ACSM6: variants seen among roughly 807,000 people sequenced by gnomAD.
The protein encoded by ACSM6 is acyl-coenzyme A synthetase ACSM6, mitochondrial.
In ACSM6, 35 loss-of-function variants were observed where a neutral mutation model predicts 51.1. The observed-to-expected ratio is 0.69, with a 90% CI of 0.52 to 0.91. The LOEUF is 0.91. Among genes scored for constraint, ACSM6 ranks in the 40% least tolerant of loss-of-function variants. The pLI is 0.00. For missense variants in ACSM6, 509 were observed against 584.1 expected, an observed-to-expected ratio of 0.87 and a Z score of 1.32; for synonymous variants, 172 against 207.3, an observed-to-expected ratio of 0.83 and a Z score of 1.46.
chr10:95,219,868 C>T, intron 8 of ACSM6, 23 bp from the exon 9 acceptor site: 3 of 1,589,286 alleles, frequency 1.9e-6, no homozygotes, highest in Non-Finnish European at 2.6e-6. Flanking sequence ...TAAAGAAAAA[C>T]TTGTCTGCAT....
At chr10:95,218,889 A>G (rs138221099) in intron 8 of ACSM6, among the ~76,000 whole-genome samples, 1 of 151,894 alleles carries the variant, frequency 6.6e-6, no homozygotes, top group Non-Finnish European at 1.5e-5. Context: ...GGGGCTCCCA[A>G]TTTGTTAGCA....
rs1303495873 is a variant in ACSM6, at chr10:95,201,957, T to C, written c.193-28T>C. 3 of 1,539,792 alleles carry C rather than the reference T, an allele frequency of 1.9e-6. No individual in the cohort carries two copies. The East Asian group carries it at 7.3e-5, about 38-fold the overall frequency. On this transcript the variant is annotated intron_variant, in intron 2 of 10. Transcript: ENST00000341686. ...TAGCCAATGTCCATGCTGACTAATATTCATATTTTAAACATCACCCTGCCT... is the reference window on the plus strand; with the variant it reads ...TAGCCAATGTCCATGCTGACTAATACTCATATTTTAAACATCACCCTGCCT...
exon 4 of ACSM6, chr10:95,207,343 C>T (rs1554829490): frequency 6.2e-7 from 1 of 1,614,094 alleles, no homozygotes; most frequent in East Asian, 2.2e-5. Flanking sequence ...TCCGACTGCC[C>T]CACCTTGAAA....
chr10:95,195,178 GT>G (rs1377143560), intron 2 of ACSM6, among the ~76,000 whole-genome samples: 1 of 152,200 alleles, frequency 6.6e-6, no homozygotes, highest in Non-Finnish European at 1.5e-5. Flanking sequence ...ACTGCGTAGT[GT>G]TTTTCTTTAA....
At chr10:95,228,157 A>C (rs373513577) in intron 10 of ACSM6, 1 of 151,588 alleles carries the variant, frequency 6.6e-6, no homozygotes, top group Non-Finnish European at 1.5e-5. Context: ...ATTTTCACCA[A>C]TCACTCTAAT....
chr10:95,212,242 T>C (rs370960108), intron 6 of ACSM6, among the ~76,000 whole-genome samples: 13 of 152,302 alleles, frequency 8.5e-5, no homozygotes, highest in South Asian at 4.1e-4. Context: ...GCTACTTCCA[T>C]TGTATCACTG....
intron 9 of ACSM6, among the ~76,000 whole-genome samples, chr10:95,221,726 G>A (rs1833473373): frequency 6.6e-6 from 1 of 152,032 alleles, no homozygotes; most frequent in Non-Finnish European, 1.5e-5. Flanking sequence ...AACTAACAAA[G>A]AGATTAAATT....
chr10:95,219,002 G>C (rs1486716099), intron 8 of ACSM6, among the ~76,000 whole-genome samples: 1 of 152,232 alleles, frequency 6.6e-6, no homozygotes, highest in South Asian at 2.1e-4. Flanking sequence ...GTTCTAGGCT[G>C]GGAACAGTGG....
intron 10 of ACSM6, 49 bp downstream of exon 10, chr10:95,225,440 C>T (rs1471542870): frequency 1.6e-6 from 2 of 1,274,812 alleles, no homozygotes; most frequent in East Asian, 5.3e-5. Flanking sequence ...TGCTACTAAT[C>T]GTAGTGCCAT....
intron 10 of ACSM6, among the ~76,000 whole-genome samples, chr10:95,227,821 A>G (rs1320330851): frequency 6.6e-6 from 1 of 152,178 alleles, no homozygotes; most frequent in Non-Finnish European, 1.5e-5. Context: ...TAATCCCAGC[A>G]CTTTGGGAGG....
At chr10:95,225,033 G>A (rs1564592625) in intron 9 of ACSM6, among the ~76,000 whole-genome samples, 1 of 152,324 alleles carries the variant, frequency 6.6e-6, no homozygotes, top group East Asian at 1.9e-4. Flanking sequence ...CTGAGGTACA[G>A]AGAAGTATCC....
At chr10:95,204,403 A>C (rs1490925148) in intron 3 of ACSM6, among the ~76,000 whole-genome samples, 2 of 151,930 alleles carry the variant, frequency 1.3e-5, no homozygotes, top group African/African-American at 4.8e-5. Context: ...AAAATACAAA[A>C]ATTAGCCAGA....
chr10:95,218,837 A>G (rs2034967973), intron 8 of ACSM6, among the ~76,000 whole-genome samples: 1 of 152,182 alleles, frequency 6.6e-6, no homozygotes, highest in Non-Finnish European at 1.5e-5. Context: ...GGTACACTAG[A>G]GAGAGATTAC....
chr10:95,204,076 A>G (rs1262332520), intron 3 of ACSM6, among the ~76,000 whole-genome samples: 2 of 152,236 alleles, frequency 1.3e-5, no homozygotes, highest in East Asian at 3.9e-4. Context: ...GGACCACTTC[A>G]GTCTGGGTCA....
exon 3 of ACSM6, chr10:95,202,086 C>T (rs774208243): frequency 2.6e-6 from 4 of 1,552,030 alleles, no homozygotes; most frequent in African/African-American, 1.4e-5. Context: ...CCAAGAAGGC[C>T]GCCAGCATCC....
chr10:95,210,579 A>C, intron 4 of ACSM6, 71 bp from the exon 5 acceptor site: 1 of 1,470,106 alleles, frequency 6.8e-7, no homozygotes, highest in Non-Finnish European at 9.2e-7. Context: ...AGATTACCAA[A>C]CCCAGGGCCT....
chr10:95,210,097 G>A (rs10882568), intron 4 of ACSM6, among the ~76,000 whole-genome samples: 47,916 of 152,048 alleles, frequency 0.32, 8,227 homozygotes, highest in Non-Finnish European at 0.39. Context: ...ATGGATTTTT[G>A]CATTAGTTTT....
rs549780713 is a variant in ACSM6 at position 95,201,949 on chromosome 10, GACTAATATTCATATTTTAAA to G, written c.193-35_193-16del. 3.8e-4 allele frequency: 588 copies of G among 1,532,602 alleles called. 3 individuals carry two copies. In the South Asian group the frequency reaches 4.6e-3, roughly 12 times the overall value. 94.9% of individuals were successfully genotyped at this position (1,532,602 alleles called of 1,614,324 possible). ...GCCTCCCATAGCCAATGTCCATGCTGACTAATATTCATATTTTAAACATCACCCTGCCTAGGACGGACTCA... is the reference window on the plus strand; with the variant it reads ...GCCTCCCATAGCCAATGTCCATGCTGCATCACCCTGCCTAGGACGGACTCA... On this transcript the variant is annotated splice_polypyrimidine_tract_variant and intron_variant, in intron 2 of 10. Coordinates refer to ENST00000341686, the Ensembl canonical transcript of ACSM6.
intron 10 of ACSM6, among the ~76,000 whole-genome samples, chr10:95,227,852 G>C (rs1451742043): frequency 1.3e-5 from 2 of 152,238 alleles, no homozygotes; most frequent in East Asian, 3.8e-4. Context: ...CGGATCACCT[G>C]AGGTCAGGAG....
Sources: gnomAD v4.1 joint callset for allele counts (sites outside exome capture counted in the v4.1 genomes callset) on GRCh38, gnomAD v4.1.1 for gene constraint, MANE v1.5 for transcripts, NCBI Gene and HGNC (gene_info 2026-07-23, HGNC 2026-07-21) for gene names.